Variants in ETS1 observed in about 807,000 individuals in gnomAD.
The protein encoded by ETS1 is protein C-ets-1.
Under a neutral mutation model 58.6 loss-of-function variants are expected in ETS1, and 15 were observed. The observed-to-expected ratio is 0.26, with a 90% confidence interval of 0.17 to 0.39. ETS1 has a LOEUF of 0.39. Ranked by LOEUF, ETS1 falls within the 10% of genes least tolerant of loss-of-function variation. ETS1 has a pLI of 1.00. For missense variants in ETS1, 417 were observed against 610.5 expected (o/e 0.68, Z 3.34); for synonymous variants, 214 against 218.2 (o/e 0.98, Z 0.17).
At chr11:128,510,667 CAAACTTA>C (rs1863368782) in intron 3 of ETS1, among the ~76,000 whole-genome samples, 1 of 152,174 alleles carries the variant, frequency 6.6e-6, no homozygotes, top group Non-Finnish European at 1.5e-5. Flanking sequence ...TTCAAAACAG[CAAACTTA>C]AAACTATTAT....
At chr11:128,526,068 C>T (rs1170402808) in intron 3 of ETS1, 1 of 151,534 alleles carries the variant, frequency 6.6e-6, no homozygotes, top group East Asian at 1.9e-4. Context: ...CCCTAGCTCT[C>T]CCTAGAATGG....
rs183085252 is a variant in ETS1 at position 128,480,601 on chromosome 11, T to C, written c.863-150A>G. 4 of 626,618 alleles carry C rather than the reference T, an allele frequency of 6.4e-6. No homozygotes were observed. The Admixed American group carries it at 8.6e-5, about 13-fold the overall frequency. 38.8% of individuals were successfully genotyped at this position (626,618 alleles called of 1,614,324 possible). A position where few individuals can be genotyped will look rare whatever the true frequency, so the allele number is the denominator to read the frequency against. ...GGAGAGGCGAGTGGGAACAGAAGCT[T>C]CAGGGGTCATGGGTTTACTCTGAGG... is the stretch of plus-strand genomic sequence containing the variant. On this transcript the variant is annotated intron_variant, in intron 7 of 9. Transcript: ENST00000392668.
chr11:128,485,940 GAA>G, intron 6 of ETS1, 127 bp downstream of exon 6: 1 of 632,946 alleles, frequency 1.6e-6, no homozygotes, highest in Non-Finnish European at 2.8e-6. Context: ...AAGTAACAAA[GAA>G]GAGTCTACAT....
At position 128,459,744 on chromosome 11, in the gene ETS1, T is replaced by C. The variant is rs1861855351; in HGVS notation, c.*2617A>G. On this transcript the variant is annotated 3_prime_UTR_variant, in exon 10 of 10. Coordinates refer to ENST00000392668, the MANE Select transcript of ETS1 (RefSeq NM_001143820.2). ...GCCAGATCGACAAAGCTGTCTTAACTAATACACTATCTACAAATCTTGAAA... is the reference window on the plus strand; with the variant it reads ...GCCAGATCGACAAAGCTGTCTTAACCAATACACTATCTACAAATCTTGAAA... The C allele has an allele frequency of 6.5e-6, 1 of 152,786 alleles. No individual in the cohort carries two copies. Among genetic ancestry groups the C allele is most frequent in the Non-Finnish European group, 1.5e-5 (1 of 68,046 alleles). The allele number at this position is 152,786 out of a possible 1,614,324, so 9.5% of individuals were successfully genotyped here.
chr11:128,565,940 G>T (rs146762227), intron 2 of ETS1, among the ~76,000 whole-genome samples: 13 of 152,342 alleles, frequency 8.5e-5, no homozygotes, highest in Admixed American at 7.8e-4. Flanking sequence ...AATGACTGGA[G>T]TCCGGAGGCC....
intron 1 of ETS1, among the ~76,000 whole-genome samples, chr11:128,586,967 C>A (rs534995466): frequency 1.4e-4 from 21 of 151,976 alleles, no homozygotes; most frequent in African/African-American, 4.8e-4. Flanking sequence ...GCAGGTCAGT[C>A]CCAAGACAGA....
intron 7 of ETS1, among the ~76,000 whole-genome samples, chr11:128,483,710 G>A (rs531414309): frequency 5.3e-5 from 8 of 152,264 alleles, no homozygotes; most frequent in African/African-American, 1.4e-4. Context: ...CTGAATACTC[G>A]AAGAAGACGA....
intron 8 of ETS1, among the ~76,000 whole-genome samples, chr11:128,476,366 G>A (rs1176791321): frequency 6.6e-6 from 1 of 152,234 alleles, no homozygotes; most frequent in Non-Finnish European, 1.5e-5. Context: ...AGTCTAGGCA[G>A]GCAACTGCAA....
chr11:128,484,786 T>C (rs776160889), intron 7 of ETS1, 37 bp downstream of exon 7: 2 of 1,576,596 alleles, frequency 1.3e-6, no homozygotes. Context: ...GTAATTCTTG[T>C]AAACCCAAGA....
At chr11:128,558,610 C>T (rs969464412) in intron 2 of ETS1, among the ~76,000 whole-genome samples, 2 of 146,586 alleles carry the variant, frequency 1.4e-5, no homozygotes, top group African/African-American at 5.1e-5. Flanking sequence ...GAGACCGTGC[C>T]ACTGCACTCC....
At chr11:128,474,908 G>A (rs986998042) in intron 8 of ETS1, among the ~76,000 whole-genome samples, 2 of 152,234 alleles carry the variant, frequency 1.3e-5, no homozygotes, top group African/African-American at 4.8e-5. Context: ...CATTGAGACT[G>A]TGATGGCTTC....
chr11:128,528,911 A>C (rs1313663033), intron 3 of ETS1: 1 of 152,170 alleles, frequency 6.6e-6, no homozygotes, highest in African/African-American at 2.4e-5. Flanking sequence ...TTTTATTCTG[A>C]GACTTCATGT....
chr11:128,489,127 A>C (rs1054895227), intron 5 of ETS1, among the ~76,000 whole-genome samples, 163 bp downstream of exon 5: 1 of 152,190 alleles, frequency 6.6e-6, no homozygotes, highest in African/African-American at 2.4e-5. Context: ...ATCTAAGAGT[A>C]CCTGCTGTAT....
intron 3 of ETS1, among the ~76,000 whole-genome samples, chr11:128,500,424 C>T (rs1167336659): frequency 6.6e-6 from 1 of 151,672 alleles, no homozygotes; most frequent in Non-Finnish European, 1.5e-5. Context: ...CATTTTTAAA[C>T]CAAAAAAGGA....
chr11:128,551,477 A>G (rs747261503), intron 3 of ETS1, among the ~76,000 whole-genome samples: 1 of 152,216 alleles, frequency 6.6e-6, no homozygotes, highest in Non-Finnish European at 1.5e-5. Flanking sequence ...TAGTTCCACC[A>G]TTTTGTTAGT....
chr11:128,575,613 A>G (rs1864729868), intron 1 of ETS1, among the ~76,000 whole-genome samples: 2 of 152,218 alleles, frequency 1.3e-5, no homozygotes, highest in African/African-American at 4.8e-5. Context: ...TCTGAGAAAG[A>G]CAGGATCTCT....
At chr11:128,506,607 G>T (rs1358021136) in intron 3 of ETS1, among the ~76,000 whole-genome samples, 1 of 152,128 alleles carries the variant, frequency 6.6e-6, no homozygotes, top group Non-Finnish European at 1.5e-5. Flanking sequence ...AGGCGGGCAA[G>T]GTGTCCAGGA....
chr11:128,549,180 C>T lies in ETS1; in HGVS notation c.214+7111G>A, dbSNP rs1166015175. On this transcript the variant is annotated intron_variant, in intron 3 of 9. Coordinates refer to ENST00000392668, the MANE Select transcript of ETS1 (RefSeq NM_001143820.2). This position sits in a 1 kb window ranked among gnomAD's most constrained non-coding sequence, Gnocchi z 4.3. ...ACACAGTGAACATCTGGAGAGAGAG[C>T]CCGTGTCTCTAGGCGGCCAGACACA... Among the ~76,000 whole-genome samples, 1 of 152,206 alleles carries T rather than the reference C, an allele frequency of 6.6e-6. No homozygotes were observed. Among genetic ancestry groups the T allele is most frequent in the Non-Finnish European group, 1.5e-5 (1 of 68,032 alleles).
intron 3 of ETS1, among the ~76,000 whole-genome samples, chr11:128,541,176 T>C (rs1315293527): frequency 2.0e-5 from 3 of 152,302 alleles, no homozygotes; most frequent in Middle Eastern, 6.8e-3. Context: ...AGCTTGGCTG[T>C]GTCCGTCTCA....
Sources: gnomAD v4.1 joint callset for allele counts (sites outside exome capture counted in the v4.1 genomes callset) on GRCh38, gnomAD v4.1.1 for gene constraint, Gnocchi (gnomAD v3.1) non-coding constraint, MANE v1.5 for transcripts, NCBI Gene and HGNC (gene_info 2026-07-23, HGNC 2026-07-21) for gene names.